PRR18: variants seen among roughly 807,000 people sequenced by gnomAD.
PRR18 encodes proline-rich protein 18.
For synonymous variants in PRR18, 228 were observed against 220.2 expected (o/e 1.04, Z -0.32); for missense variants, 517 against 437.4 (o/e 1.18, Z -1.62).
rs1483514146 is a variant in PRR18, at chr6:166,307,594, G to C, written c.549C>G (p.Ala183=). ...CGGGGCCGCCCCTCCGCGGGCCCGC[G>C]GCCCTAGCCGGGAGACACGGGGCGA... ...RLLAPCLPAR[A]AGPRRGGPAS... is the part of the protein sequence containing the mutation. The change falls in exon 1 of 1, where the codon GCC becomes GCG. Residue 183 remains alanine (A), a synonymous_variant. Transcript: ENST00000322583. The C allele has an allele frequency of 7.3e-6, 9 of 1,236,292 alleles. No homozygotes were observed. The highest frequency in any genetic ancestry group is 8.1e-6 in the Non-Finnish European group (8 of 988,450). 76.6% of individuals were successfully genotyped at this position (1,236,292 alleles called of 1,614,324 possible).
Position 166,306,595 on chromosome 6 carries a change from G to A in PRR18, c.*660C>T, listed in dbSNP as rs1408245098. On this transcript the variant is annotated 3_prime_UTR_variant, in exon 1 of 1. Transcript: ENST00000322583. ...TCCATGGAAGCGCTCATTGACCAGG[G>A]CTCACCAGCGCCTGGCGATGCCTAC... The A allele has an allele frequency of 6.6e-6, 1 of 152,248 alleles. No individual in the cohort carries two copies. Among genetic ancestry groups the A allele is most frequent in the Non-Finnish European group, 1.5e-5 (1 of 68,054 alleles). 9.4% of individuals were successfully genotyped at this position (152,248 alleles called of 1,614,324 possible).
In PRR18 at chr6:166,308,172, C is replaced by T. The variant is rs977131132; in HGVS notation, c.-30G>A. 4 of 1,229,060 alleles carry T rather than the reference C, an allele frequency of 3.3e-6. No individual in the cohort carries two copies. The highest frequency in any genetic ancestry group is 4.1e-6 in the Non-Finnish European group (4 of 984,686). The allele number at this position is 1,229,060 out of a possible 1,614,324, so 76.1% of individuals were successfully genotyped here. A position where few individuals can be genotyped will look rare whatever the true frequency, so the allele number is the denominator to read the frequency against. ...CAGCCGAGCCGCCGGATCCTCAGCC[C>T]CTGGAAAGAGAGGCGGGCGCTCAGC... On this transcript the variant is annotated 5_prime_UTR_variant, in exon 1 of 1. Coordinates refer to ENST00000322583, the MANE Select transcript of PRR18 (RefSeq NM_175922.4).
At position 166,308,354 on chromosome 6, in the gene PRR18, G is replaced by C; in HGVS notation, c.-212C>G. The C allele has an allele frequency of 2.4e-6, 1 of 420,350 alleles. No homozygotes were observed. The highest frequency in any genetic ancestry group is 3.9e-6 in the Non-Finnish European group (1 of 253,302). 26.0% of individuals were successfully genotyped at this position (420,350 alleles called of 1,614,324 possible). ...TCCCCTCCTCCTGGGGGTGCTCCCG[G>C]GACTGGACCCTGCAGGAACCGCCTC... On this transcript the variant is annotated 5_prime_UTR_variant, in exon 1 of 1. Transcript: ENST00000322583.
rs1778122951 is a variant in PRR18, at chr6:166,307,619, A to C, written c.524T>G (p.Leu175Arg). 1 of 1,337,390 alleles carries C rather than the reference A, an allele frequency of 7.5e-7. No homozygotes were observed. Among genetic ancestry groups the C allele is most frequent in the Non-Finnish European group, 9.6e-7 (1 of 1,039,196 alleles). 82.8% of individuals were successfully genotyped at this position (1,337,390 alleles called of 1,614,324 possible). A position where few individuals can be genotyped will look rare whatever the true frequency, so the allele number is the denominator to read the frequency against. ...PSPSAEPRRL[L>R]APCLPARAAG... is the part of the protein sequence containing the mutation. ...GGCCCTAGCCGGGAGACACGGGGCG[A>C]GTAGGCGCCTGGGTTCGGCCGAGGG... The change falls in exon 1 of 1, where the codon CTC (leucine) becomes CGC (arginine). Residue 175 changes from leucine (L) to arginine (R), a missense_variant. Leu to Arg is a moderately radical substitution (Grantham distance 102). Coordinates refer to ENST00000322583, the MANE Select transcript of PRR18 (RefSeq NM_175922.4).
chr6:166,307,889 C>T lies in PRR18; in HGVS notation c.254G>A (p.Arg85Gln), dbSNP rs941318225. 2 of 1,235,908 alleles carry T rather than the reference C, an allele frequency of 1.6e-6. No individual in the cohort carries two copies. The highest frequency in any genetic ancestry group is 3.7e-5 in the South Asian group (1 of 27,178). The allele number at this position is 1,235,908 out of a possible 1,614,324, so 76.6% of individuals were successfully genotyped here. Residue 85 changes from arginine to glutamine, a missense_variant, in exon 1 of 1, where the codon CGG becomes CAG. Arg to Gln is a conservative substitution (Grantham distance 43, BLOSUM62 1). Transcript: ENST00000322583. Reference protein sequence around the residue: ...VSPQALPSRARAPATCAPPRP... With the variant: ...VSPQALPSRAQAPATCAPPRP... ...GGGCGGGGCGCACGTGGCTGGGGCCCGCGCGCGGCTGGGCAAGGCCTGGGG... is the reference window on the plus strand; with the variant it reads ...GGGCGGGGCGCACGTGGCTGGGGCCTGCGCGCGGCTGGGCAAGGCCTGGGG...
rs911203 is a variant in PRR18, at chr6:166,307,318, G to C, written c.825C>G (p.Ser275=). Residue 275 remains serine (S), a synonymous_variant, in exon 1 of 1, where the codon TCC becomes TCG. Transcript: ENST00000322583. Reference sequence around the variant, plus strand: ...CCGCCCGGCCCCGCGCGGCAGCCGCGGACTCCACGCCGCGCAGCCACTCCG... The same window carrying C: ...CCGCCCGGCCCCGCGCGGCAGCCGCCGACTCCACGCCGCGCAGCCACTCCG... ...KCTEWLRGVE[S]AAAARGRAGA... 0.74 allele frequency: 1,143,323 copies of C among 1,551,832 alleles called. 422,893 individuals carry two copies. The highest frequency in any genetic ancestry group is 0.92 in the East Asian group (37,105 of 40,434).
rs1052534184 is a variant in PRR18 at position 166,306,630 on chromosome 6, T to C, written c.*625A>G. 6.6e-6 allele frequency: 1 copy of C among 152,228 alleles called. No individual in the cohort carries two copies. The highest frequency in any genetic ancestry group is 1.5e-5 in the Non-Finnish European group (1 of 68,038). 9.4% of individuals were successfully genotyped at this position (152,228 alleles called of 1,614,324 possible). Reference sequence around the variant, plus strand: ...GCCTGGCGATGCCTACCCTTCCGCTTTGGAGACTGGAAATTCGGTTAACTG... The same window carrying C: ...GCCTGGCGATGCCTACCCTTCCGCTCTGGAGACTGGAAATTCGGTTAACTG... On this transcript the variant is annotated 3_prime_UTR_variant, in exon 1 of 1. Transcript: ENST00000322583.
At position 166,308,126 on chromosome 6, in the gene PRR18, A is replaced by T; in HGVS notation, c.17T>A (p.Met6Lys). The change falls in exon 1 of 1, where the codon ATG becomes AAG. Residue 6 changes from methionine to lysine, a missense_variant. Physicochemically the swap from Met to Lys is moderately conservative, Grantham distance 95. Coordinates refer to ENST00000322583, the MANE Select transcript of PRR18 (RefSeq NM_175922.4). MPFPPMPPPPAPAPGA... is the reference protein window; with the variant it reads MPFPPKPPPPAPAPGA... ...CGGGGCGGGGGCGGGCGGCGGCGGC[A>T]TGGGCGGGAAGGGCATAGTGCAGCC... is the stretch of plus-strand genomic sequence containing the variant. The T allele has an allele frequency of 3.3e-6, 4 of 1,229,826 alleles. No individual in the cohort carries two copies. Among genetic ancestry groups the T allele is most frequent in the Non-Finnish European group, 4.1e-6 (4 of 985,266 alleles). The allele number at this position is 1,229,826 out of a possible 1,614,324, so 76.2% of individuals were successfully genotyped here.
rs1351958916 is a variant in PRR18 at position 166,308,344 on chromosome 6, G to T, written c.-202C>A. On this transcript the variant is annotated 5_prime_UTR_variant, in exon 1 of 1. Coordinates refer to ENST00000322583, the MANE Select transcript of PRR18 (RefSeq NM_175922.4). ...GCTCCCACCCTCCCCTCCTCCTGGGGGTGCTCCCGGGACTGGACCCTGCAG... is the reference window on the plus strand; with the variant it reads ...GCTCCCACCCTCCCCTCCTCCTGGGTGTGCTCCCGGGACTGGACCCTGCAG... The T allele has an allele frequency of 4.5e-6, 2 of 444,382 alleles. No homozygotes were observed. Among genetic ancestry groups the T allele is most frequent in the Non-Finnish European group, 7.3e-6 (2 of 273,514 alleles). The allele number at this position is 444,382 out of a possible 1,614,324, so 27.5% of individuals were successfully genotyped here. A position where few individuals can be genotyped will look rare whatever the true frequency, so the allele number is the denominator to read the frequency against.
At position 166,307,883 on chromosome 6, in the gene PRR18, G is replaced by A. The variant is rs1271710543; in HGVS notation, c.260C>T (p.Pro87Leu). 4.8e-6 allele frequency: 6 copies of A among 1,238,534 alleles called. No homozygotes were observed. The African/African-American group carries it at 7.9e-5, about 16-fold the overall frequency. 76.7% of individuals were successfully genotyped at this position (1,238,534 alleles called of 1,614,324 possible). A position where few individuals can be genotyped will look rare whatever the true frequency, so the allele number is the denominator to read the frequency against. ...PQALPSRARA[P>L]ATCAPPRPAG... is the part of the protein sequence containing the mutation. Reference sequence around the variant, plus strand: ...CGGCCGGGGCGGGGCGCACGTGGCTGGGGCCCGCGCGCGGCTGGGCAAGGC... The same window carrying A: ...CGGCCGGGGCGGGGCGCACGTGGCTAGGGCCCGCGCGCGGCTGGGCAAGGC... The change falls in exon 1 of 1, where the codon CCA becomes CTA. Residue 87 changes from proline to leucine, a missense_variant. Physicochemically the swap from Pro to Leu is moderately conservative, Grantham distance 98. Transcript: ENST00000322583.
In PRR18 at chr6:166,307,466, G is replaced by A. The variant is rs750728495; in HGVS notation, c.677C>T (p.Pro226Leu). The change falls in exon 1 of 1, where the codon CCG (proline) becomes CTG (leucine). Residue 226 changes from proline (P) to leucine (L), a missense_variant. Coordinates refer to ENST00000322583, the MANE Select transcript of PRR18 (RefSeq NM_175922.4). ...CATCGGCCGCAGGGCCCCGGGCCGC[G>A]GGCTGAGCTGGGGAACCTGCAGGCC... The part of the protein sequence containing the change: ...HGGLQVPQLS[P>L]RPGALRPMLK... 4.6e-6 allele frequency: 7 copies of A among 1,515,460 alleles called. No homozygotes were observed. The highest frequency in any genetic ancestry group is 1.2e-5 in the South Asian group (1 of 81,706). 93.9% of individuals were successfully genotyped at this position (1,515,460 alleles called of 1,614,324 possible).
Position 166,308,167 on chromosome 6 carries a change from C to T in PRR18, c.-25G>A, listed in dbSNP as rs867299914. 2.4e-6 allele frequency: 3 copies of T among 1,229,288 alleles called. No homozygotes were observed. Among genetic ancestry groups the T allele is most frequent in the Middle Eastern group, 3.1e-4 (1 of 3,198 alleles). 76.1% of individuals were successfully genotyped at this position (1,229,288 alleles called of 1,614,324 possible). A position where few individuals can be genotyped will look rare whatever the true frequency, so the allele number is the denominator to read the frequency against. On this transcript the variant is annotated 5_prime_UTR_variant, in exon 1 of 1. Coordinates refer to ENST00000322583, the MANE Select transcript of PRR18 (RefSeq NM_175922.4). ...TAGTGCAGCCGAGCCGCCGGATCCTCAGCCCCTGGAAAGAGAGGCGGGCGC... is the reference window on the plus strand; with the variant it reads ...TAGTGCAGCCGAGCCGCCGGATCCTTAGCCCCTGGAAAGAGAGGCGGGCGC...
In PRR18 at chr6:166,307,253, G is replaced by C. The variant is rs768747757; in HGVS notation, c.*2C>G. On this transcript the variant is annotated 3_prime_UTR_variant, in exon 1 of 1. Coordinates refer to ENST00000322583, the MANE Select transcript of PRR18 (RefSeq NM_175922.4). ...TGGCCTGTCCCCGCAGGCCCGCTGG[G>C]CTCACAGCGTGCTCAGGTGCCGCCG... 1 of 1,478,300 alleles carries C rather than the reference G, an allele frequency of 6.8e-7. No individual in the cohort carries two copies. Among genetic ancestry groups the C allele is most frequent in the Non-Finnish European group, 8.9e-7 (1 of 1,124,066 alleles). The allele number at this position is 1,478,300 out of a possible 1,614,324, so 91.6% of individuals were successfully genotyped here. A position where few individuals can be genotyped will look rare whatever the true frequency, so the allele number is the denominator to read the frequency against.
chr6:166,307,261 C>T lies in PRR18; in HGVS notation c.882G>A (p.Thr294=). 6.7e-7 allele frequency: 1 copy of T among 1,490,770 alleles called. No individual in the cohort carries two copies. The highest frequency in any genetic ancestry group is 2.3e-5 in the Admixed American group (1 of 43,576). 92.3% of individuals were successfully genotyped at this position (1,490,770 alleles called of 1,614,324 possible). Residue 294 remains threonine (T), a synonymous_variant, in exon 1 of 1, where the codon ACG becomes ACA. Transcript: ENST00000322583. ...CCCCGCAGGCCCGCTGGGCTCACAG[C>T]GTGCTCAGGTGCCGCCGTGAGTCCA... ...GALDSRRHLS[T]L is the part of the protein sequence containing the mutation.
At position 166,307,772 on chromosome 6, in the gene PRR18, C is replaced by A; in HGVS notation, c.371G>T (p.Gly124Val). Residue 124 changes from glycine to valine, a missense_variant, in exon 1 of 1, where the codon GGG becomes GTG. Transcript: ENST00000322583. ...AGCGGAGTCTGGACAAGGCCCCGCC[C>A]CCGAGGAGGTGCCCGCGGCGGTGGT... is the stretch of plus-strand genomic sequence containing the variant. ...TGTTAAGTSS[G>V]AGPCPDSAAR... The A allele has an allele frequency of 6.7e-7, 1 of 1,487,988 alleles. No homozygotes were observed. The highest frequency in any genetic ancestry group is 2.8e-5 in the East Asian group (1 of 36,290). The allele number at this position is 1,487,988 out of a possible 1,614,324, so 92.2% of individuals were successfully genotyped here.
Position 166,308,051 on chromosome 6 carries a change from TC to T in PRR18, c.91del (p.Asp31ThrfsTer107). 1 of 1,237,890 alleles carries T rather than the reference TC, an allele frequency of 8.1e-7. No homozygotes were observed. The highest frequency in any genetic ancestry group is 1.0e-6 in the Non-Finnish European group (1 of 985,286). 76.7% of individuals were successfully genotyped at this position (1,237,890 alleles called of 1,614,324 possible). A position where few individuals can be genotyped will look rare whatever the true frequency, so the allele number is the denominator to read the frequency against. On this transcript the variant is annotated frameshift_variant, in exon 1 of 1. Transcript: ENST00000322583. LOFTEE classifies it low-confidence loss of function (END_TRUNC). The stretch of plus-strand genomic sequence containing the variant: ...CCGCTGTGGGGGCCTCTTCTTCTTG[TC>T]CCCCGCGGCGCAGGGCCTCCGGGGT... ...QLPRRPCAAG[D>X]KKKRPPQRPE...
At position 166,307,247 on chromosome 6, in the gene PRR18, C is replaced by A; in HGVS notation, c.*8G>T. 6.8e-7 allele frequency: 1 copy of A among 1,461,770 alleles called. No individual in the cohort carries two copies. Among genetic ancestry groups the A allele is most frequent in the African/African-American group, 1.5e-5 (1 of 68,226 alleles). 90.5% of individuals were successfully genotyped at this position (1,461,770 alleles called of 1,614,324 possible). A position where few individuals can be genotyped will look rare whatever the true frequency, so the allele number is the denominator to read the frequency against. ...CAGGCCTGGCCTGTCCCCGCAGGCC[C>A]GCTGGGCTCACAGCGTGCTCAGGTG... On this transcript the variant is annotated 3_prime_UTR_variant, in exon 1 of 1. Coordinates refer to ENST00000322583, the MANE Select transcript of PRR18 (RefSeq NM_175922.4).
Position 166,308,293 on chromosome 6 carries a change from C to T in PRR18, c.-151G>A. ...CTCCGGCTTCCTCACATCCCAGCGA[C>T]CAAACCCGGGGACTCAAAGAGAGGC... is the stretch of plus-strand genomic sequence containing the variant. On this transcript the variant is annotated 5_prime_UTR_variant, in exon 1 of 1. Transcript: ENST00000322583. 1 of 752,394 alleles carries T rather than the reference C, an allele frequency of 1.3e-6. No homozygotes were observed. Among genetic ancestry groups the T allele is most frequent in the Non-Finnish European group, 1.8e-6 (1 of 551,136 alleles). 46.6% of individuals were successfully genotyped at this position (752,394 alleles called of 1,614,324 possible).
Position 166,307,938 on chromosome 6 carries a change from G to T in PRR18, c.205C>A (p.Pro69Thr). The T allele has an allele frequency of 5.7e-6, 7 of 1,227,638 alleles. No individual in the cohort carries two copies. The highest frequency in any genetic ancestry group is 7.1e-6 in the Non-Finnish European group (7 of 981,302). The allele number at this position is 1,227,638 out of a possible 1,614,324, so 76.0% of individuals were successfully genotyped here. A position where few individuals can be genotyped will look rare whatever the true frequency, so the allele number is the denominator to read the frequency against. ...RRGPGLDRTQ[P>T]PAPPGVSPQA... ...GGGGAGACGCCCGGAGGGGCCGGCG[G>T]CTGCGTCCTGTCCAGGCCGGGGCCG... Residue 69 changes from proline to threonine, a missense_variant, in exon 1 of 1, where the codon CCG (proline) becomes ACG (threonine). Transcript: ENST00000322583.
Sources: gnomAD v4.1 joint callset for allele counts on GRCh38, gnomAD v4.1.1 for gene constraint, MANE v1.5 for transcripts, NCBI Gene and HGNC (gene_info 2026-07-23, HGNC 2026-07-21) for gene names.